Variants in OPTN observed in about 807,000 individuals in gnomAD.
The protein encoded by OPTN is E3-14.7K-interacting protein.
In OPTN, 54 loss-of-function variants were observed where a neutral mutation model predicts 70.4. The ratio of observed to expected loss-of-function variants is 0.77; its 90% CI spans 0.62 to 0.96. The LOEUF is 0.96. OPTN is among the 40% of genes least tolerant of loss of function. The pLI is 0.00. For synonymous variants in OPTN, 256 were observed against 248.5 expected (o/e 1.03, Z -0.28); for missense variants, 624 against 673.2 (o/e 0.93, Z 0.81).
intron 2 of OPTN, 131 bp downstream of exon 2, chr10:13,108,420 T>A (rs1010597996): frequency 1.3e-5 from 2 of 152,216 alleles, no homozygotes; most frequent in Non-Finnish European, 2.9e-5. Flanking sequence ...ATAAGGAGAT[T>A]TGAATTTGAA....
chr10:13,136,769 A>G lies in OPTN; in HGVS notation c.1637A>G (p.Gln546Arg). Residue 546 changes from glutamine (Q) to arginine (R), a missense_variant, in exon 15 of 15, where the codon CAA becomes CGA. By Grantham distance (43) the Gln-to-Arg change is conservative (BLOSUM62 1). Coordinates refer to ENST00000378747, the MANE Select transcript of OPTN (RefSeq NM_001008212.2). Reference protein sequence around the residue: ...QRGAEDRDWRQQRNIPIHSCP... With the variant: ...QRGAEDRDWRRQRNIPIHSCP... ...GGAGCTGAGGACAGGGACTGGCGGC[A>G]ACAGCGGAATATTCCGATTCATTCC... is the stretch of plus-strand genomic sequence containing the variant. The G allele has an allele frequency of 6.2e-7, 1 of 1,614,146 alleles. No individual in the cohort carries two copies. Among genetic ancestry groups the G allele is most frequent in the South Asian group, 1.1e-5 (1 of 91,078 alleles).
Position 13,137,154 on chromosome 10 carries a change from C to A in OPTN, c.*288C>A. On this transcript the variant is annotated 3_prime_UTR_variant, in exon 15 of 15. Transcript: ENST00000378747. ...ATTAGCCGAGCATGGTGGCGCATGC[C>A]TGTAGTCGCAGCTACTCGCGAGGTT... 1 of 447,628 alleles carries A rather than the reference C, an allele frequency of 2.2e-6. No individual in the cohort carries two copies. Among genetic ancestry groups the A allele is most frequent in the Admixed American group, 3.4e-5 (1 of 29,314 alleles). The allele number at this position is 447,628 out of a possible 1,614,324, so 27.7% of individuals were successfully genotyped here.
intron 1 of OPTN, chr10:13,104,838 C>T: frequency 2.4e-6 from 1 of 417,376 alleles, no homozygotes; most frequent in Non-Finnish European, 4.5e-6. Context: ...TCGAGATCTT[C>T]AAGGAACGAA....
chr10:13,112,365 T>C, intron 4 of OPTN, 88 bp from the exon 5 acceptor site: 4 of 1,304,324 alleles, frequency 3.1e-6, no homozygotes, highest in Non-Finnish European at 4.4e-6. Flanking sequence ...CACTTCAGCC[T>C]CCCAGAGCTC....
chr10:13,117,048 A>AT (rs943087175), intron 6 of OPTN, among the ~76,000 whole-genome samples: 4 of 150,436 alleles, frequency 2.7e-5, no homozygotes, highest in African/African-American at 9.8e-5. Context: ...TCTATTCAAG[A>AT]GACGATTGTC....
rs185730053 is a variant in OPTN at position 13,132,229 on chromosome 10, C to T, written c.1532+32C>T. 1.6e-4 allele frequency: 259 copies of T among 1,608,718 alleles called. No individual in the cohort carries two copies. In the African/African-American group the frequency reaches 3.2e-3, roughly 20 times the overall value. ...AAAAGAGAGAGGAGGACCCAGAGCT[C>T]ACATCAGCATGGCCGTAGAAGAGGT... is the stretch of plus-strand genomic sequence containing the variant. On this transcript the variant is annotated intron_variant, in intron 13 of 14. Transcript: ENST00000378747.
chr10:13,111,553 C>G (rs1832997864), intron 4 of OPTN, among the ~76,000 whole-genome samples: 1 of 151,920 alleles, frequency 6.6e-6, no homozygotes, highest in South Asian at 2.1e-4. Flanking sequence ...CAAAAATTAG[C>G]CAGGCATGGT....
intron 1 of OPTN, among the ~76,000 whole-genome samples, chr10:13,107,422 A>G (rs1832890725): frequency 1.6e-5 from 2 of 123,994 alleles, no homozygotes; most frequent in Admixed American, 8.7e-5. Context: ...TCTGTCGCCC[A>G]TGCTGGAGTG....
intron 14 of OPTN, among the ~76,000 whole-genome samples, chr10:13,135,548 C>T (rs1184751475): frequency 2.0e-5 from 3 of 151,956 alleles, no homozygotes; most frequent in Admixed American, 6.6e-5. Flanking sequence ...CCTGGCCTAA[C>T]ACTCGTGCCT....
chr10:13,121,429 G>A (rs946937235), intron 7 of OPTN, among the ~76,000 whole-genome samples: 2 of 143,782 alleles, frequency 1.4e-5, no homozygotes, highest in Non-Finnish European at 3.0e-5. Flanking sequence ...TTGTGTCATC[G>A]CAGAGATAGT....
At chr10:13,104,679 C>T in intron 1 of OPTN, 1 of 691,254 alleles carries the variant, frequency 1.4e-6, no homozygotes, top group South Asian at 1.4e-5. Context: ...TCATCTATCA[C>T]AAGATTCATA....
intron 5 of OPTN, among the ~76,000 whole-genome samples, chr10:13,114,800 A>AATTT (rs1554768941): frequency 5.6e-5 from 1 of 17,710 alleles, no homozygotes; most frequent in Admixed American, 9.2e-4. Flanking sequence ...ATAATTATAT[A>AATTT]TACATATATA....
chr10:13,125,188 G>T (rs930399235), intron 9 of OPTN, among the ~76,000 whole-genome samples: 1 of 152,148 alleles, frequency 6.6e-6, no homozygotes, highest in African/African-American at 2.4e-5. Context: ...ATTCAAAGAG[G>T]ACAGTACTGC....
chr10:13,114,814 T>TTATATAACGTA lies in OPTN; in HGVS notation c.553-1446_553-1445insCGTATATATAA, dbSNP rs1564358865. 5.2e-3 allele frequency among the ~76,000 whole-genome samples: 344 copies of TTATATAACGTA among 66,664 alleles called. 31 individuals carry two copies. The highest frequency in any genetic ancestry group is 0.021 in the African/African-American group (314 of 15,178). The allele number at this position is 66,664 out of a possible 152,430, so 43.7% of individuals were successfully genotyped here. A position where few individuals can be genotyped will look rare whatever the true frequency, so the allele number is the denominator to read the frequency against. On this transcript the variant is annotated intron_variant, in intron 5 of 14. Transcript: ENST00000378747. ...TATAATTATATATACATATATATAA[T>TTATATAACGTA]TATATAATTATATAATTATATAATT...
At chr10:13,103,742 G>GCACACACACACACACACACACACA (rs771828062) in intron 1 of OPTN, among the ~76,000 whole-genome samples, 31 of 64,896 alleles carry the variant, frequency 4.8e-4, no homozygotes, top group African/African-American at 9.6e-4. Context: ...ACACACACAT[G>GCACACACACACACACACACACACA]CACACACACA....
intron 3 of OPTN, 93 bp from the exon 4 acceptor site, chr10:13,110,181 G>T: frequency 6.4e-7 from 1 of 1,566,230 alleles, no homozygotes; most frequent in Non-Finnish European, 8.7e-7. Context: ...TCAATTCAGA[G>T]CCATGTGGTC....
intron 5 of OPTN, 83 bp downstream of exon 5, chr10:13,112,718 C>T (rs1359280974): frequency 3.7e-6 from 5 of 1,338,238 alleles, no homozygotes; most frequent in Non-Finnish European, 5.4e-6. Flanking sequence ...TTTTTCTTGT[C>T]AACACAAGCC....
chr10:13,128,937 T>C (rs1211716531), intron 12 of OPTN, among the ~76,000 whole-genome samples: 2 of 152,150 alleles, frequency 1.3e-5, no homozygotes, highest in African/African-American at 2.4e-5. Flanking sequence ...AAGGTGTCAT[T>C]TGAGGAACAA....
intron 7 of OPTN, among the ~76,000 whole-genome samples, chr10:13,119,416 T>A (rs920109077): frequency 6.6e-6 from 1 of 152,228 alleles, no homozygotes; most frequent in Admixed American, 6.5e-5. Flanking sequence ...TAACCTTCCA[T>A]TGTCTATATA....
Sources: gnomAD v4.1 joint callset for allele counts (sites outside exome capture counted in the v4.1 genomes callset) on GRCh38, gnomAD v4.1.1 for gene constraint, MANE v1.5 for transcripts, NCBI Gene and HGNC (gene_info 2026-07-23, HGNC 2026-07-21) for gene names.